FSTL5: variants seen among roughly 807,000 people sequenced by gnomAD.
FSTL5 encodes the protein follistatin-related protein 5.
A neutral mutation model predicts 89.1 loss-of-function variants in FSTL5; 62 were observed. The observed-to-expected ratio is 0.70, with a 90% CI of 0.57 to 0.86. The LOEUF (loss-of-function observed/expected upper bound fraction) is 0.86, where lower values mean the gene tolerates loss of function less well. Ranked by LOEUF, FSTL5 falls within the 40% of genes least tolerant of loss-of-function variation. The pLI, the probability that FSTL5 is intolerant of heterozygous loss-of-function variation, is 0.00. For missense variants in FSTL5, 1,057 were observed against 1,001.6 expected (o/e 1.06, Z -0.75); for synonymous variants, 383 against 346.2 (o/e 1.11, Z -1.18).
chr4:161,891,534 AGAT>A (rs950169803), intron 4 of FSTL5, among the ~76,000 whole-genome samples: 1 of 152,162 alleles, frequency 6.6e-6, no homozygotes, highest in African/African-American at 2.4e-5. Flanking sequence ...ACGTCTCATA[AGAT>A]ATTAATACCT....
chr4:162,108,313 C>T (rs1438668881), intron 2 of FSTL5, among the ~76,000 whole-genome samples: 2 of 152,170 alleles, frequency 1.3e-5, no homozygotes, highest in East Asian at 3.9e-4. Flanking sequence ...GTATCTACAA[C>T]ATTTCAATGT....
intron 2 of FSTL5, among the ~76,000 whole-genome samples, chr4:162,069,584 C>A (rs1729519869): frequency 6.6e-6 from 1 of 151,862 alleles, no homozygotes; most frequent in Non-Finnish European, 1.5e-5. Flanking sequence ...CACAATTCTG[C>A]TCTCTATTTC....
chr4:161,643,915 G>A (rs1310544699), intron 7 of FSTL5, among the ~76,000 whole-genome samples: 3 of 152,072 alleles, frequency 2.0e-5, no homozygotes, highest in African/African-American at 7.2e-5. Context: ...CCACCATTAC[G>A]TGACTTGTTA....
intron 7 of FSTL5, among the ~76,000 whole-genome samples, chr4:161,606,008 T>C (rs1464215170): frequency 6.6e-6 from 1 of 152,130 alleles, no homozygotes; most frequent in African/African-American, 2.4e-5. Context: ...CTTGGATGAT[T>C]GCCATCAACA....
intron 3 of FSTL5, among the ~76,000 whole-genome samples, chr4:161,955,041 A>T (rs1734992277): frequency 7.7e-6 from 1 of 130,338 alleles, no homozygotes; most frequent in Admixed American, 7.6e-5. Context: ...AAAACAATAA[A>T]TTGTACCCGC....
At chr4:161,645,515 C>T (rs1231124454) in intron 7 of FSTL5, among the ~76,000 whole-genome samples, 1 of 151,986 alleles carries the variant, frequency 6.6e-6, no homozygotes, top group Non-Finnish European at 1.5e-5. Context: ...AAGTGAATTA[C>T]AATATGCAGT....
chr4:161,458,462 G>C (rs1165893331), intron 14 of FSTL5, among the ~76,000 whole-genome samples: 14 of 151,938 alleles, frequency 9.2e-5, no homozygotes. Flanking sequence ...TAAAAGTCTT[G>C]GTAGTGACAA....
intron 4 of FSTL5, among the ~76,000 whole-genome samples, chr4:161,831,054 AG>A (rs1466333850): frequency 6.6e-6 from 1 of 151,892 alleles, no homozygotes; most frequent in East Asian, 1.9e-4. Context: ...TCCAGTAAAA[AG>A]TATTCTTGTA....
At chr4:161,811,302 A>G (rs1730138689) in intron 4 of FSTL5, among the ~76,000 whole-genome samples, 1 of 152,208 alleles carries the variant, frequency 6.6e-6, no homozygotes, top group African/African-American at 2.4e-5. Context: ...AGTTAAAAAT[A>G]TACAAATCAT....
chr4:161,745,703 A>AC (rs1740176984), intron 6 of FSTL5, among the ~76,000 whole-genome samples: 1 of 152,034 alleles, frequency 6.6e-6, no homozygotes, highest in Non-Finnish European at 1.5e-5. Flanking sequence ...AATAAGATAA[A>AC]TTCCTGATCT....
At chr4:161,413,812 T>A (rs912899333) in intron 15 of FSTL5, among the ~76,000 whole-genome samples, 17 of 152,156 alleles carry the variant, frequency 1.1e-4, no homozygotes, top group African/African-American at 3.9e-4. Context: ...CTAAACAAAT[T>A]AATCCAGAAA....
At chr4:161,617,742 T>C (rs531857202) in intron 7 of FSTL5, among the ~76,000 whole-genome samples, 38 of 152,316 alleles carry the variant, frequency 2.5e-4, no homozygotes, top group Middle Eastern at 3.4e-3. Flanking sequence ...AACTCATTCA[T>C]AGAAAGGAAA....
At chr4:161,614,517 C>G (rs1307458140) in intron 7 of FSTL5, among the ~76,000 whole-genome samples, 1 of 152,084 alleles carries the variant, frequency 6.6e-6, no homozygotes, top group Admixed American at 6.5e-5. Flanking sequence ...GAAATCAGAA[C>G]AACCTTAGAG....
At chr4:161,504,472 G>GTT (rs1228712264) in intron 11 of FSTL5, among the ~76,000 whole-genome samples, 2,400 of 141,820 alleles carry the variant, frequency 0.017, 57 homozygotes, top group African/African-American at 0.059. Context: ...ATTGTTTTTC[G>GTT]TTTTTGTTTT....
intron 15 of FSTL5, among the ~76,000 whole-genome samples, chr4:161,416,831 C>T (rs1328485004): frequency 6.3e-5 from 9 of 142,878 alleles, no homozygotes; most frequent in South Asian, 2.2e-4. Context: ...GGTGACAGAG[C>T]GAGACTCCAT....
intron 7 of FSTL5, among the ~76,000 whole-genome samples, chr4:161,613,786 C>T (rs971472991): frequency 1.3e-5 from 2 of 152,036 alleles, no homozygotes; most frequent in Non-Finnish European, 2.9e-5. Context: ...TGGTTTGTGA[C>T]TGACTAAATT....
chr4:162,124,499 C>T (rs1333290638), intron 1 of FSTL5, among the ~76,000 whole-genome samples: 1 of 152,148 alleles, frequency 6.6e-6, no homozygotes, highest in East Asian at 1.9e-4. Context: ...TACCTCCCTT[C>T]CTCTGTTCTT....
At chr4:162,133,538 A>T (rs1315255285) in intron 1 of FSTL5, among the ~76,000 whole-genome samples, 1 of 152,020 alleles carries the variant, frequency 6.6e-6, no homozygotes, top group Non-Finnish European at 1.5e-5. Flanking sequence ...TAGTTTTGGC[A>T]TTCTATGTAA....
chr4:161,445,062 C>A (rs564905404), intron 15 of FSTL5, among the ~76,000 whole-genome samples: 139 of 151,888 alleles, frequency 9.2e-4, no homozygotes, highest in African/African-American at 3.0e-3. Flanking sequence ...TACAATTGAG[C>A]AATACAATCT....
Sources: allele counts gnomAD v4.1 joint callset (sites outside exome capture counted in the v4.1 genomes callset), GRCh38; gene constraint gnomAD v4.1.1; transcripts MANE v1.5; gene names NCBI Gene and HGNC (gene_info 2026-07-23, HGNC 2026-07-21).